The following GRAP2 variants were observed in gnomAD, a reference collection of about 807,000 sequenced individuals.
GRAP2 encodes GRB2-related adapter protein 2.
Under a neutral mutation model 43.5 loss-of-function variants are expected in GRAP2, and 31 were observed. The observed-to-expected ratio is 0.71, with a 90% CI of 0.54 to 0.96. GRAP2 has a LOEUF of 0.96. Ranked by LOEUF, GRAP2 falls within the 40% of genes least tolerant of loss-of-function variation. GRAP2 has a pLI of 0.00. For missense variants in GRAP2, 371 were observed against 424.4 expected (o/e 0.87, Z 1.11); for synonymous variants, 156 against 164.8 (o/e 0.95, Z 0.41).
At chr22:39,965,876 T>C in intron 4 of GRAP2, 114 bp from the exon 5 acceptor site, 1 of 898,368 alleles carries the variant, frequency 1.1e-6, no homozygotes, top group South Asian at 1.4e-5. Flanking sequence ...GAGTGAGTCA[T>C]CCATATCTAC....
In GRAP2 at chr22:39,960,194, C is replaced by T. The variant is rs986679138; in HGVS notation, c.290+20C>T. On this transcript the variant is annotated intron_variant, in intron 4 of 7. Transcript: ENST00000344138. Reference sequence around the variant, plus strand: ...TGTCAGGTACTGACCATTCCTGACACTGCCTTGGCCCTTCTCGGCCTGTTA... The same window carrying T: ...TGTCAGGTACTGACCATTCCTGACATTGCCTTGGCCCTTCTCGGCCTGTTA... The T allele has an allele frequency of 1.6e-5, 25 of 1,609,726 alleles. No individual in the cohort carries two copies. In the Admixed American group the frequency reaches 3.3e-4, roughly 21 times the overall value.
At chr22:39,970,866 C>T in intron 7 of GRAP2, 39 bp from the exon 8 acceptor site, 1 of 1,528,034 alleles carries the variant, frequency 6.5e-7, no homozygotes. Context: ...CTGCCCAGCC[C>T]ACAGCTCAGC....
upstream of GRAP2, among the ~76,000 whole-genome samples, chr22:39,900,035 C>T (rs1490548536): frequency 6.6e-6 from 1 of 151,894 alleles, no homozygotes; most frequent in East Asian, 1.9e-4. Flanking sequence ...TTAACTCATT[C>T]GACAAATATT....
At chr22:39,964,190 A>G in intron 4 of GRAP2, 2 of 531,114 alleles carry the variant, frequency 3.8e-6, no homozygotes, top group East Asian at 3.1e-5. Context: ...TGACTTGGCA[A>G]TGAAGTAAAA....
At position 39,914,819 on chromosome 22, in the gene GRAP2, T is replaced by C. The variant is rs546687486; in HGVS notation, c.-15+13489T>C. On this transcript the variant is annotated intron_variant, in intron 1 of 7. Transcript: ENST00000344138. Reference sequence around the variant, plus strand: ...ATTGTGGGATGCGACAGAACGTACGTACGTCAAATGAAATGAGCATTTCTG... The same window carrying C: ...ATTGTGGGATGCGACAGAACGTACGCACGTCAAATGAAATGAGCATTTCTG... Among the ~76,000 whole-genome samples the C allele has an allele frequency of 2.6e-5, 4 of 152,144 alleles. No individual in the cohort carries two copies. In the South Asian group the frequency reaches 8.3e-4, roughly 32 times the overall value.
At chr22:39,947,359 T>C in intron 2 of GRAP2, 175 bp downstream of exon 2, 1 of 603,008 alleles carries the variant, frequency 1.7e-6, no homozygotes. Context: ...GTGATGGAAA[T>C]ACAGTCGGCA....
At chr22:39,940,676 C>T (rs1343727652) in intron 1 of GRAP2, among the ~76,000 whole-genome samples, 1 of 151,988 alleles carries the variant, frequency 6.6e-6, no homozygotes, top group African/African-American at 2.4e-5. Flanking sequence ...ACCCAGAATC[C>T]AAGCAGGAGT....
intron 1 of GRAP2, among the ~76,000 whole-genome samples, chr22:39,907,307 G>A (rs755293653): frequency 2.0e-5 from 3 of 152,172 alleles, no homozygotes; most frequent in Admixed American, 6.5e-5. Context: ...AAAAACCAAC[G>A]ATGCCTAGCA....
chr22:39,955,798 C>T, intron 2 of GRAP2, 21 bp from the exon 3 acceptor site: 1 of 1,301,150 alleles, frequency 7.7e-7, no homozygotes, highest in South Asian at 1.2e-5. Context: ...ATGTCTTTGT[C>T]TTTCCTTTTC....
chr22:39,913,397 G>A (rs985913140), intron 1 of GRAP2, among the ~76,000 whole-genome samples: 2 of 152,134 alleles, frequency 1.3e-5, no homozygotes, highest in African/African-American at 4.8e-5. Context: ...GAGTACACAG[G>A]CAGATTTCAG....
chr22:39,958,538 A>G (rs1198656134), intron 3 of GRAP2, among the ~76,000 whole-genome samples: 1 of 149,132 alleles, frequency 6.7e-6, no homozygotes, highest in East Asian at 1.9e-4. Context: ...GATGTTCAGT[A>G]AAGCTGTTGA....
chr22:39,950,554 C>T (rs1020843983), intron 2 of GRAP2, among the ~76,000 whole-genome samples: 6 of 152,258 alleles, frequency 3.9e-5, no homozygotes, highest in African/African-American at 1.4e-4. Flanking sequence ...TCCCTGAGAG[C>T]AATGTCATGC....
intron 2 of GRAP2, among the ~76,000 whole-genome samples, chr22:39,951,280 C>T (rs1294725933): frequency 6.6e-6 from 1 of 152,228 alleles, no homozygotes; most frequent in African/African-American, 2.4e-5. Context: ...CTACACACAG[C>T]ACCAGCCTCA....
intron 1 of GRAP2, among the ~76,000 whole-genome samples, chr22:39,912,354 G>T (rs1253246918): frequency 6.6e-6 from 1 of 152,218 alleles, no homozygotes; most frequent in Non-Finnish European, 1.5e-5. Context: ...GGAGTTTGAA[G>T]TTGTAATGAG....
At chr22:39,908,200 C>T (rs2066536110) in intron 1 of GRAP2, among the ~76,000 whole-genome samples, 2 of 152,234 alleles carry the variant, frequency 1.3e-5, no homozygotes, top group South Asian at 2.1e-4. Context: ...CCTTTTCTGC[C>T]ATAGATGGCA....
chr22:39,953,997 C>T (rs901584689), intron 2 of GRAP2, among the ~76,000 whole-genome samples: 1 of 152,194 alleles, frequency 6.6e-6, no homozygotes, highest in African/African-American at 2.4e-5. Context: ...AAGATATTCA[C>T]AGTCTACATT....
chr22:39,926,513 A>G lies in GRAP2; in HGVS notation c.-14-20580A>G, dbSNP rs2066700747. 3 of 752,018 alleles carry G rather than the reference A, an allele frequency of 4.0e-6. No homozygotes were observed. In the African/African-American group the frequency reaches 5.7e-5, roughly 14 times the overall value. 46.6% of individuals were successfully genotyped at this position (752,018 alleles called of 1,614,324 possible). On this transcript the variant is annotated intron_variant, in intron 1 of 7. Coordinates refer to ENST00000344138, the MANE Select transcript of GRAP2 (RefSeq NM_004810.4). ...AAAAAAAAAAAAAGGAAAAGAGCAA[A>G]AAAGCAAAAGAACAAAAGAACCTTG...
At chr22:39,969,100 GAA>G (rs1182314260) in intron 6 of GRAP2, among the ~76,000 whole-genome samples, 3 of 152,146 alleles carry the variant, frequency 2.0e-5, no homozygotes, top group Non-Finnish European at 4.4e-5. Flanking sequence ...CCTCTAAATG[GAA>G]GCTCCATGAA....
At chr22:39,910,905 A>G (rs1742896162) in intron 1 of GRAP2, among the ~76,000 whole-genome samples, 1 of 152,072 alleles carries the variant, frequency 6.6e-6, no homozygotes, top group African/African-American at 2.4e-5. Context: ...TAATCTCATG[A>G]TGGATCTCTG....
Sources: allele counts gnomAD v4.1 joint callset (sites outside exome capture counted in the v4.1 genomes callset), GRCh38; gene constraint gnomAD v4.1.1; transcripts MANE v1.5; gene names NCBI Gene and HGNC (gene_info 2026-07-23, HGNC 2026-07-21).